OCA2: variants seen among roughly 807,000 people sequenced by gnomAD.
OCA2 encodes P protein.
In OCA2, 77 loss-of-function variants were observed where a neutral mutation model predicts 100.2. The observed-to-expected ratio is 0.77, with a 90% CI of 0.64 to 0.93. The LOEUF is 0.93. Ranked by LOEUF, OCA2 falls within the 40% of genes least tolerant of loss-of-function variation. The pLI is 0.00. For missense variants in OCA2, 1,062 were observed against 1,089.1 expected (o/e 0.98, Z 0.35); for synonymous variants, 432 against 439.2 (o/e 0.98, Z 0.21).
At chr15:27,964,571 C>A (rs2040503850) in intron 15 of OCA2, among the ~76,000 whole-genome samples, 1 of 152,146 alleles carries the variant, frequency 6.6e-6, no homozygotes, top group African/African-American at 2.4e-5. Context: ...TGATCAGGGC[C>A]CCTGCCAGTC....
chr15:27,843,724 G>A (rs1291523234), intron 23 of OCA2, among the ~76,000 whole-genome samples: 4 of 152,068 alleles, frequency 2.6e-5, no homozygotes, highest in Non-Finnish European at 5.9e-5. Flanking sequence ...AGTTTCTTAC[G>A]AACCATGGAA....
chr15:27,817,508 C>G (rs1035528991), intron 23 of OCA2, among the ~76,000 whole-genome samples: 2 of 152,170 alleles, frequency 1.3e-5, no homozygotes, highest in Non-Finnish European at 2.9e-5. Context: ...CTGAAGGGTC[C>G]CATAGGAGCT....
chr15:27,978,762 T>C (rs984487511), intron 14 of OCA2, among the ~76,000 whole-genome samples: 1 of 151,188 alleles, frequency 6.6e-6, no homozygotes, highest in Admixed American at 6.6e-5. Flanking sequence ...CTTGTCTCAC[T>C]GCAACCTCCA....
chr15:27,757,289 C>T (rs1273752740), intron 23 of OCA2, among the ~76,000 whole-genome samples: 1 of 152,240 alleles, frequency 6.6e-6, no homozygotes, highest in African/African-American at 2.4e-5. Flanking sequence ...ATGGATAAAT[C>T]ATAACAATGG....
intron 2 of OCA2, among the ~76,000 whole-genome samples, chr15:28,072,719 A>G (rs2141814651): frequency 6.6e-6 from 1 of 152,318 alleles, no homozygotes. Flanking sequence ...ACTAATCACC[A>G]GAGAGATGCA....
At chr15:27,796,442 G>A (rs2033338223) in intron 23 of OCA2, among the ~76,000 whole-genome samples, 1 of 152,242 alleles carries the variant, frequency 6.6e-6, no homozygotes, top group Admixed American at 6.5e-5. Context: ...AGCACGTGCT[G>A]GGCACTCAGC....
chr15:27,895,778 G>A (rs2037662779), intron 19 of OCA2: 3 of 382,790 alleles, frequency 7.8e-6, no homozygotes, highest in Non-Finnish European at 1.5e-5. Context: ...ACGGCAAGAG[G>A]GTGAAACTGA....
At chr15:28,094,353 G>C (rs548567623) in intron 1 of OCA2, among the ~76,000 whole-genome samples, 86 of 152,246 alleles carry the variant, frequency 5.6e-4, no homozygotes, top group African/African-American at 2.0e-3. Flanking sequence ...GGGCCACCCT[G>C]GGCAGAGCTC....
intron 2 of OCA2, among the ~76,000 whole-genome samples, chr15:28,044,203 A>T (rs1455785792): frequency 6.6e-6 from 1 of 152,272 alleles, no homozygotes; most frequent in African/African-American, 2.4e-5. Context: ...GTCTTAAAAA[A>T]TTATTCTAAC....
rs1459375857 is a variant in OCA2 at position 28,081,634 on chromosome 15, T to G, written c.227+14A>C. On this transcript the variant is annotated intron_variant, in intron 2 of 23. Coordinates refer to ENST00000354638, the MANE Select transcript of OCA2 (RefSeq NM_000275.3). The stretch of plus-strand genomic sequence containing the variant: ...GAAGTCCACATTTACAAGATGGCAC[T>G]ATTTTAAACTCACCTCCCTTTTGTG... 5 of 1,610,188 alleles carry G rather than the reference T, an allele frequency of 3.1e-6. No individual in the cohort carries two copies. The highest frequency in any genetic ancestry group is 8.5e-7 in the Non-Finnish European group (1 of 1,177,510).
intron 23 of OCA2, among the ~76,000 whole-genome samples, chr15:27,756,692 C>T (rs371857844): frequency 1.3e-5 from 2 of 152,194 alleles, no homozygotes; most frequent in East Asian, 3.9e-4. Context: ...AGCACAAAGC[C>T]TTCGTTCCTC....
At chr15:28,095,715 C>CAAA (rs113766832) in intron 1 of OCA2, among the ~76,000 whole-genome samples, 2,677 of 98,150 alleles carry the variant, frequency 0.027, 88 homozygotes, top group African/African-American at 0.097. Flanking sequence ...GAAACTGTCT[C>CAAA]AAAAAAAAAA....
chr15:28,002,195 G>T (rs1269471312), intron 9 of OCA2, among the ~76,000 whole-genome samples: 1 of 152,222 alleles, frequency 6.6e-6, no homozygotes, highest in Non-Finnish European at 1.5e-5. Context: ...CATGAAGTAG[G>T]GGTGTCCCCC....
In OCA2 at chr15:27,909,626, T is replaced by C. The variant is rs75467274; in HGVS notation, c.2079+16501A>G. ...TATGAAAAGCTAATGTAGGATAAAA[T>C]TGACATCTCAAATCACTGGAGTACA... On this transcript the variant is annotated intron_variant, in intron 19 of 23. Coordinates refer to ENST00000354638, the MANE Select transcript of OCA2 (RefSeq NM_000275.3). Among the ~76,000 whole-genome samples, 793 of 152,210 alleles carry C rather than the reference T, an allele frequency of 5.2e-3. 4 individuals are homozygous for C. The highest frequency in any genetic ancestry group is 0.018 in the African/African-American group (762 of 41,546).
At chr15:27,725,490 C>G in the OCA2 span, among the ~76,000 whole-genome samples, 1 of 152,172 alleles carries the variant, frequency 6.6e-6, no homozygotes, top group African/African-American at 2.4e-5. Context: ...ATTGCTTGAA[C>G]CCAGGAGGTG....
At chr15:27,927,692 C>G (rs555594116) in intron 18 of OCA2, among the ~76,000 whole-genome samples, 1 of 152,000 alleles carries the variant, frequency 6.6e-6, no homozygotes, top group African/African-American at 2.4e-5. Context: ...ATTTGATCAG[C>G]CTTTCTGATT....
intron 5 of OCA2, among the ~76,000 whole-genome samples, chr15:28,023,528 C>A (rs1022088365): frequency 5.3e-5 from 8 of 152,180 alleles, no homozygotes; most frequent in African/African-American, 1.7e-4. Context: ...ATCTCATGCA[C>A]AGGGGACCCT....
intron 19 of OCA2, among the ~76,000 whole-genome samples, chr15:27,901,396 G>A (rs1322944023): frequency 6.6e-6 from 1 of 152,166 alleles, no homozygotes; most frequent in Non-Finnish European, 1.5e-5. Flanking sequence ...TGATGGGTGG[G>A]AGGAACAAGG....
chr15:27,807,098 G>A (rs896317450), intron 23 of OCA2, among the ~76,000 whole-genome samples: 1 of 14,416 alleles, frequency 6.9e-5, no homozygotes, highest in Non-Finnish European at 9.9e-5. Context: ...CCCCCGGCCC[G>A]CCCACCTCTG....
Sources: gnomAD v4.1 joint callset for allele counts (sites outside exome capture counted in the v4.1 genomes callset) on GRCh38, gnomAD v4.1.1 for gene constraint, MANE v1.5 for transcripts, NCBI Gene and HGNC (gene_info 2026-07-23, HGNC 2026-07-21) for gene names.